CDH13: variants seen among roughly 807,000 people sequenced by gnomAD.
CDH13 encodes the protein cadherin 13.
CDH13 carries 24 observed loss-of-function variants against 63.8 expected under a neutral mutation model. The observed-to-expected ratio is 0.38, with a 90% confidence interval of 0.27 to 0.53. The LOEUF is 0.53. CDH13 is among the 20% of genes least tolerant of loss of function. The pLI is 0.85. For missense variants in CDH13, 1,049 were observed against 903.1 expected (o/e 1.16, Z -2.07); for synonymous variants, 503 against 355.3 (o/e 1.42, Z -4.67).
At chr16:83,088,262 G>T (rs539826922) in intron 3 of CDH13, among the ~76,000 whole-genome samples, 1 of 152,252 alleles carries the variant, frequency 6.6e-6, no homozygotes, top group East Asian at 1.9e-4. Context: ...GTCTTGTTGA[G>T]TTTCATGGGT....
intron 4 of CDH13, among the ~76,000 whole-genome samples, chr16:83,131,696 A>G (rs887920561): frequency 6.6e-6 from 1 of 152,192 alleles, no homozygotes; most frequent in Admixed American, 6.5e-5. Flanking sequence ...CATTTATGAA[A>G]TGCTTATTAG....
At chr16:82,756,412 A>G (rs1409308813) in intron 1 of CDH13, among the ~76,000 whole-genome samples, 2 of 152,276 alleles carry the variant, frequency 1.3e-5, no homozygotes, top group African/African-American at 4.8e-5. Flanking sequence ...ACTTACTGCA[A>G]ACCAGGAACT....
rs143665438 is a variant in CDH13 at position 82,635,672 on chromosome 16, T to C, written c.45+8535T>C. On this transcript the variant is annotated intron_variant, in intron 1 of 13. Transcript: ENST00000567109. ...AGGGCTGAGATCATGGGAAGCTGGA[T>C]TCAGGAACGACGGTGCAGAGATGGG... Among the ~76,000 whole-genome samples the C allele has an allele frequency of 3.6e-4, 55 of 152,260 alleles. No individual in the cohort carries two copies. The East Asian group carries it at 8.9e-3, about 25-fold the overall frequency.
chr16:83,713,582 T>C (rs1023948183), intron 10 of CDH13, among the ~76,000 whole-genome samples: 1 of 152,034 alleles, frequency 6.6e-6, no homozygotes, highest in African/African-American at 2.4e-5. Context: ...CTCTCACAAA[T>C]GGTATGTTCA....
intron 8 of CDH13, among the ~76,000 whole-genome samples, chr16:83,631,155 G>A (rs143756925): frequency 2.6e-5 from 4 of 152,294 alleles, no homozygotes; most frequent in East Asian, 1.9e-4. Context: ...TGCAGTCAAC[G>A]AGCGCAAGTT....
chr16:83,780,914 T>G (rs924498476), intron 12 of CDH13, among the ~76,000 whole-genome samples: 5 of 152,214 alleles, frequency 3.3e-5, no homozygotes, highest in Non-Finnish European at 5.9e-5. Context: ...CTTTTCGTGG[T>G]GTACCTGCTG....
At chr16:83,407,940 T>C (rs748694805) in intron 6 of CDH13, among the ~76,000 whole-genome samples, 24 of 152,212 alleles carry the variant, frequency 1.6e-4, no homozygotes, top group Admixed American at 2.0e-4. Flanking sequence ...TTGGGGGTTC[T>C]CATTTTCCTA....
intron 1 of CDH13, among the ~76,000 whole-genome samples, chr16:82,686,031 A>C (rs777126384): frequency 6.6e-6 from 1 of 152,130 alleles, no homozygotes; most frequent in Non-Finnish European, 1.5e-5. Context: ...ATCCCTAGTG[A>C]ATTACAATTT....
At chr16:83,052,801 A>AAAAAAAAAAAAAAAAAAAAAAAAAAG (rs1555571697) in intron 3 of CDH13, among the ~76,000 whole-genome samples, 1 of 122,658 alleles carries the variant, frequency 8.2e-6, no homozygotes, top group Admixed American at 9.4e-5. Context: ...AAAAAAAAAA[A>AAAAAAAAAAAAAAAAAAAAAAAAAAG]AAAGAAAGAA....
At chr16:83,155,632 T>G (rs2037176169) in intron 4 of CDH13, among the ~76,000 whole-genome samples, 1 of 152,096 alleles carries the variant, frequency 6.6e-6, no homozygotes. Context: ...CTTAAAAACT[T>G]TAAAATGGAT....
chr16:82,777,543 C>T (rs1433367224), intron 1 of CDH13, among the ~76,000 whole-genome samples: 2 of 152,150 alleles, frequency 1.3e-5, no homozygotes, highest in Non-Finnish European at 2.9e-5. Flanking sequence ...CAGTTCTGTA[C>T]CATCGTCTAT....
At chr16:83,465,548 AG>A (rs2073291584) in intron 6 of CDH13, among the ~76,000 whole-genome samples, 1 of 152,226 alleles carries the variant, frequency 6.6e-6, no homozygotes, top group Non-Finnish European at 1.5e-5. Flanking sequence ...TAAAGATTCA[AG>A]TCAATGGAAG....
chr16:83,333,912 C>T (rs988075721), intron 5 of CDH13, among the ~76,000 whole-genome samples: 4 of 152,138 alleles, frequency 2.6e-5, no homozygotes, highest in South Asian at 2.1e-4. Context: ...TAGTAAATTA[C>T]CACACAGTGA....
intron 2 of CDH13, among the ~76,000 whole-genome samples, chr16:82,877,233 G>T (rs145730212): frequency 0.01 from 1,568 of 152,318 alleles, 40 homozygotes; most frequent in African/African-American, 0.036. Context: ...ATAGCAAGAT[G>T]AGTTTACTGA....
intron 2 of CDH13, among the ~76,000 whole-genome samples, chr16:83,001,315 A>G (rs1912905215): frequency 6.6e-6 from 1 of 152,248 alleles, no homozygotes; most frequent in Admixed American, 6.5e-5. Context: ...GCTTAGCACA[A>G]GTAGTGTTGC....
At chr16:83,720,123 G>A (rs887394386) in intron 10 of CDH13, among the ~76,000 whole-genome samples, 20 of 152,258 alleles carry the variant, frequency 1.3e-4, no homozygotes, top group Non-Finnish European at 1.9e-4. Context: ...ATTTGGGACC[G>A]GGGTGCTGGT....
chr16:83,669,012 G>A (rs929793490), intron 8 of CDH13, among the ~76,000 whole-genome samples: 4 of 152,128 alleles, frequency 2.6e-5, no homozygotes, highest in African/African-American at 9.7e-5. Context: ...CCTGCTTCTT[G>A]CCCCGACTAC....
chr16:83,064,609 T>G (rs2031849266), intron 3 of CDH13, among the ~76,000 whole-genome samples: 1 of 152,216 alleles, frequency 6.6e-6, no homozygotes, highest in South Asian at 2.1e-4. Flanking sequence ...TTTAGATAAC[T>G]TTTTCCATAC....
At chr16:83,584,416 G>A (rs1905946990) in intron 7 of CDH13, among the ~76,000 whole-genome samples, 1 of 152,170 alleles carries the variant, frequency 6.6e-6, no homozygotes, top group African/African-American at 2.4e-5. Flanking sequence ...GGTTTATTGG[G>A]ACACGATGTA....
Sources: gnomAD v4.1 joint callset for allele counts (sites outside exome capture counted in the v4.1 genomes callset) on GRCh38, gnomAD v4.1.1 for gene constraint, MANE v1.5 for transcripts, NCBI Gene and HGNC (gene_info 2026-07-23, HGNC 2026-07-21) for gene names.